The following PPP1R13B variants were observed in gnomAD, a reference collection of about 807,000 sequenced individuals.
The protein encoded by PPP1R13B is apoptosis-stimulating of p53 protein 1.
PPP1R13B carries 44 observed loss-of-function variants against 119.8 expected under a neutral mutation model. That is an observed-to-expected ratio of 0.37 (90% CI 0.29 to 0.47). PPP1R13B has a LOEUF of 0.47. PPP1R13B is among the 20% of genes least tolerant of loss of function. The pLI, the probability that PPP1R13B is intolerant of heterozygous loss-of-function variation, is 0.99. For missense variants in PPP1R13B, 1,227 were observed against 1,413.5 expected, an observed-to-expected ratio of 0.87 and a Z score of 2.12; for synonymous variants, 542 against 561.5, an observed-to-expected ratio of 0.97 and a Z score of 0.49.
At chr14:103,836,391 T>A (rs987795674) in intron 1 of PPP1R13B, among the ~76,000 whole-genome samples, 3 of 152,116 alleles carry the variant, frequency 2.0e-5, no homozygotes, top group Non-Finnish European at 4.4e-5. Flanking sequence ...TCTAAGCACC[T>A]GACAATCCTA....
chr14:103,833,638 A>G (rs1044121339), intron 1 of PPP1R13B, among the ~76,000 whole-genome samples: 1 of 151,948 alleles, frequency 6.6e-6, no homozygotes, highest in Non-Finnish European at 1.5e-5. Context: ...GCGAGACTCC[A>G]TCTCAAAAAA....
At chr14:103,821,942 C>T (rs1016034861) in intron 1 of PPP1R13B, among the ~76,000 whole-genome samples, 2 of 151,950 alleles carry the variant, frequency 1.3e-5, no homozygotes, top group Admixed American at 1.3e-4. Context: ...ATTGAGCTAT[C>T]ATAAAATTAA....
At chr14:103,797,718 G>A (rs949156166) in intron 1 of PPP1R13B, among the ~76,000 whole-genome samples, 200 bp from the exon 2 acceptor site, 1 of 150,354 alleles carries the variant, frequency 6.7e-6, no homozygotes, top group African/African-American at 2.5e-5. Flanking sequence ...TCCAAATGAG[G>A]AGAGTAATAG....
intron 8 of PPP1R13B, among the ~76,000 whole-genome samples, 167 bp downstream of exon 8, chr14:103,749,627 G>C (rs2084487870): frequency 6.6e-6 from 1 of 152,200 alleles, no homozygotes; most frequent in Non-Finnish European, 1.5e-5. Flanking sequence ...GGAAATAAAT[G>C]AGTCACTGGG....
rs1393151321 is a variant in PPP1R13B at position 103,807,458 on chromosome 14, C to T, written c.10-9940G>A. Among the ~76,000 whole-genome samples, 8 of 152,130 alleles carry T rather than the reference C, an allele frequency of 5.3e-5. No individual in the cohort carries two copies. The East Asian group carries it at 1.3e-3, about 26-fold the overall frequency. ...GTAGTGCCTGAAGCAGTGCCTGGCACGTAAGAAGCACTCAATAAACTCCCC... is the reference window on the plus strand; with the variant it reads ...GTAGTGCCTGAAGCAGTGCCTGGCATGTAAGAAGCACTCAATAAACTCCCC... On this transcript the variant is annotated intron_variant, in intron 1 of 16. Transcript: ENST00000202556.
intron 9 of PPP1R13B, among the ~76,000 whole-genome samples, chr14:103,744,630 C>T (rs1269598716): frequency 6.6e-6 from 1 of 152,244 alleles, no homozygotes; most frequent in Non-Finnish European, 1.5e-5. Flanking sequence ...AATGGGCTTG[C>T]AGAGGGCCGC....
intron 4 of PPP1R13B, 91 bp downstream of exon 4, chr14:103,778,654 C>A: frequency 9.9e-7 from 1 of 1,005,256 alleles, no homozygotes; most frequent in Non-Finnish European, 1.6e-6. Context: ...GATCCTCCCA[C>A]CTTGGCCTCC....
intron 2 of PPP1R13B, among the ~76,000 whole-genome samples, chr14:103,794,851 T>C (rs947129217): frequency 1.3e-5 from 2 of 152,232 alleles, no homozygotes; most frequent in Non-Finnish European, 2.9e-5. Context: ...AACACTAGGC[T>C]GGACACTGGG....
chr14:103,816,669 CAAAAAAAAA>C (rs34539149), intron 1 of PPP1R13B, among the ~76,000 whole-genome samples: 2 of 105,164 alleles, frequency 1.9e-5, no homozygotes, highest in African/African-American at 6.3e-5. Flanking sequence ...AACTCAGTCT[CAAAAAAAAA>C]AAAAAAAAAT....
intron 1 of PPP1R13B, among the ~76,000 whole-genome samples, chr14:103,807,167 G>A (rs981086539): frequency 6.6e-6 from 1 of 152,094 alleles, no homozygotes; most frequent in Non-Finnish European, 1.5e-5. Flanking sequence ...TGCATAGACC[G>A]CTTCACTCAG....
At position 103,757,282 on chromosome 14, in the gene PPP1R13B, G is replaced by A. The variant is rs1243950161; in HGVS notation, c.456+368C>T. 3.3e-5 allele frequency among the ~76,000 whole-genome samples: 5 copies of A among 151,696 alleles called. No individual in the cohort carries two copies. The East Asian group carries it at 9.7e-4, about 29-fold the overall frequency. ...TTTCCCAGGCTGGTCCTGAACTCCT[G>A]GGCTCCAGCAATCCTCCTGCCTTGG... On this transcript the variant is annotated intron_variant, in intron 5 of 16. Coordinates refer to ENST00000202556, the MANE Select transcript of PPP1R13B (RefSeq NM_015316.3).
intron 2 of PPP1R13B, among the ~76,000 whole-genome samples, chr14:103,788,635 C>T (rs2085531150): frequency 6.6e-6 from 1 of 151,636 alleles, no homozygotes. Flanking sequence ...GCTACGACTG[C>T]CATTGCGCTC....
chr14:103,747,958 C>T (rs767226179), intron 8 of PPP1R13B, among the ~76,000 whole-genome samples: 1 of 152,128 alleles, frequency 6.6e-6, no homozygotes, highest in Non-Finnish European at 1.5e-5. Flanking sequence ...AGTTGGCCTT[C>T]GGACTCCAGC....
intron 1 of PPP1R13B, among the ~76,000 whole-genome samples, chr14:103,800,329 A>G (rs1252282267): frequency 6.6e-6 from 1 of 152,092 alleles, no homozygotes; most frequent in Non-Finnish European, 1.5e-5. Context: ...TCTGCATTCG[A>G]GTAAGCATAT....
chr14:103,825,225 C>T (rs1253267237), intron 1 of PPP1R13B, among the ~76,000 whole-genome samples: 1 of 152,184 alleles, frequency 6.6e-6, no homozygotes, highest in Non-Finnish European at 1.5e-5. Context: ...GGCCATTCCC[C>T]CATTTCTCTC....
chr14:103,756,711 C>A (rs2084685539), intron 5 of PPP1R13B, among the ~76,000 whole-genome samples: 1 of 152,046 alleles, frequency 6.6e-6, no homozygotes, highest in Non-Finnish European at 1.5e-5. Flanking sequence ...CAAGAACATA[C>A]CCAGAGGCAA....
chr14:103,738,921 C>T lies in PPP1R13B; in HGVS notation c.2695G>A (p.Gly899Arg). 1 of 1,614,110 alleles carries T rather than the reference C, an allele frequency of 6.2e-7. No homozygotes were observed. Among genetic ancestry groups the T allele is most frequent in the Non-Finnish European group, 8.5e-7 (1 of 1,180,008 alleles). ...ATCCTCTGCACCAGATCGAACTCTCCTTCCAGAGACGCGTCTAGGAGCAGT... is the reference window on the plus strand; with the variant it reads ...ATCCTCTGCACCAGATCGAACTCTCTTTCCAGAGACGCGTCTAGGAGCAGT... ...LALLLDASLE[G>R]EFDLVQRIIY... The change falls in exon 13 of 17, where the codon GGA (glycine) becomes AGA (arginine). Residue 899 changes from glycine (G) to arginine (R), a missense_variant. Coordinates refer to ENST00000202556, the MANE Select transcript of PPP1R13B (RefSeq NM_015316.3). The surrounding 1 kb of genome is among the most constrained non-coding windows in gnomAD (Gnocchi z 5.6).
chr14:103,782,740 T>A, intron 3 of PPP1R13B, among the ~76,000 whole-genome samples: 1 of 152,164 alleles, frequency 6.6e-6, no homozygotes, highest in East Asian at 1.9e-4. Context: ...TCTTCATATA[T>A]CCTAGGGCCA....
intron 1 of PPP1R13B, among the ~76,000 whole-genome samples, chr14:103,798,005 C>A (rs1304987486): frequency 6.6e-6 from 1 of 151,924 alleles, no homozygotes; most frequent in African/African-American, 2.4e-5. Context: ...TAGATACAAA[C>A]CCTAAAGCCA....
Sources: allele counts gnomAD v4.1 joint callset (sites outside exome capture counted in the v4.1 genomes callset), GRCh38; gene constraint gnomAD v4.1.1; non-coding constraint Gnocchi (gnomAD v3.1); transcripts MANE v1.5; gene names NCBI Gene and HGNC (gene_info 2026-07-23, HGNC 2026-07-21).